The following CLDN10 variants were observed in gnomAD, a reference collection of about 807,000 sequenced individuals.
CLDN10 encodes the protein claudin 10.
A neutral mutation model predicts 22.9 loss-of-function variants in CLDN10; 15 were observed. The ratio of observed to expected loss-of-function variants is 0.65; its 90% CI spans 0.44 to 1.01. The LOEUF (loss-of-function observed/expected upper bound fraction) is 1.01. Ranked by LOEUF, CLDN10 falls within the 50% of genes least tolerant of loss-of-function variation. The probability of loss-of-function intolerance (pLI) is 0.00; values close to 1 mark genes in which losing one functional copy is unlikely to be tolerated. For missense variants in CLDN10, 247 were observed against 287.8 expected, an observed-to-expected ratio of 0.86 and a Z score of 1.03; for synonymous variants, 114 against 111.4, an observed-to-expected ratio of 1.02 and a Z score of -0.15.
intron 1 of CLDN10, among the ~76,000 whole-genome samples, chr13:95,467,039 T>G (rs71433024): frequency 0.059 from 2,263 of 38,270 alleles, 49 homozygotes; most frequent in African/African-American, 0.17. Flanking sequence ...ACCATGCCCG[T>G]TTTTTTTTTT....
At chr13:95,465,785 C>T (rs143870451) in intron 1 of CLDN10, among the ~76,000 whole-genome samples, 202 of 152,266 alleles carry the variant, frequency 1.3e-3, no homozygotes, top group African/African-American at 4.6e-3. Flanking sequence ...CATTCACCTT[C>T]GATACTCAGA....
intron 1 of CLDN10, among the ~76,000 whole-genome samples, chr13:95,440,060 C>T (rs902182301): frequency 6.6e-6 from 1 of 151,926 alleles, no homozygotes; most frequent in Non-Finnish European, 1.5e-5. Flanking sequence ...ACTACAGGCT[C>T]GCGCCACCAT....
At chr13:95,507,287 C>A (rs759586452) in intron 1 of CLDN10, among the ~76,000 whole-genome samples, 1 of 152,104 alleles carries the variant, frequency 6.6e-6, no homozygotes, top group Non-Finnish European at 1.5e-5. Context: ...TCTGATGTCT[C>A]CTTCTACATC....
upstream of CLDN10, among the ~76,000 whole-genome samples, chr13:95,549,472 T>G (rs1247125554): frequency 2.6e-5 from 4 of 152,344 alleles, no homozygotes; most frequent in African/African-American, 9.6e-5. Context: ...CATTTTTATT[T>G]TCTGGACATT....
intron 1 of CLDN10, among the ~76,000 whole-genome samples, chr13:95,516,760 A>C (rs1466544728): frequency 9.9e-5 from 15 of 152,152 alleles, no homozygotes; most frequent in Non-Finnish European, 2.1e-4. Flanking sequence ...ACAGAAGGGC[A>C]CGGAGGGGAA....
chr13:95,527,085 G>C (rs1251724487), intron 1 of CLDN10, among the ~76,000 whole-genome samples: 1 of 152,112 alleles, frequency 6.6e-6, no homozygotes, highest in Non-Finnish European at 1.5e-5. Flanking sequence ...TCCTGTTTTA[G>C]ACCCATTTTT....
At chr13:95,512,141 T>TTTG (rs1234938515) in intron 1 of CLDN10, among the ~76,000 whole-genome samples, 3 of 124,164 alleles carry the variant, frequency 2.4e-5, no homozygotes, top group East Asian at 2.4e-4. Flanking sequence ...GGTTTTTGTT[T>TTTG]GTTTGTGTTC....
intron 1 of CLDN10, among the ~76,000 whole-genome samples, chr13:95,470,832 T>G (rs7335697): frequency 0.012 from 1,760 of 152,064 alleles, 25 homozygotes; most frequent in African/African-American, 0.04. Context: ...AGCCCAACGG[T>G]GAAAGAGAAG....
chr13:95,531,430 G>A (rs1395429096), intron 1 of CLDN10, among the ~76,000 whole-genome samples: 1 of 152,108 alleles, frequency 6.6e-6, no homozygotes, highest in Admixed American at 6.5e-5. Context: ...TTTTCTAGTA[G>A]GCGGTCAAAA....
intron 3 of CLDN10, 133 bp downstream of exon 3, chr13:95,560,596 A>T: frequency 1.5e-6 from 1 of 687,470 alleles, no homozygotes; most frequent in Non-Finnish European, 2.4e-6. Flanking sequence ...TGATGACATC[A>T]TTCAAGATTA....
intron 3 of CLDN10, among the ~76,000 whole-genome samples, chr13:95,566,658 G>A (rs1361337052): frequency 1.3e-5 from 2 of 152,138 alleles, no homozygotes; most frequent in South Asian, 2.1e-4. Context: ...GGCTTTTGTT[G>A]CCATTGCTTT....
intron 1 of CLDN10, among the ~76,000 whole-genome samples, chr13:95,501,513 A>G (rs2042985030): frequency 6.6e-6 from 1 of 152,126 alleles, no homozygotes; most frequent in Non-Finnish European, 1.5e-5. Context: ...CCTTTTTATC[A>G]TTATGAAATG....
chr13:95,471,440 C>CACACACACACAT (rs746573300), intron 1 of CLDN10, among the ~76,000 whole-genome samples: 3 of 104,382 alleles, frequency 2.9e-5, no homozygotes, highest in Admixed American at 1.0e-4. Flanking sequence ...CACACACACA[C>CACACACACACAT]ATATATATAT....
chr13:95,522,570 T>C (rs2043234290), intron 1 of CLDN10, among the ~76,000 whole-genome samples: 1 of 152,102 alleles, frequency 6.6e-6, no homozygotes, highest in Non-Finnish European at 1.5e-5. Context: ...TCTTGGGTGA[T>C]GTATAGCCAT....
chr13:95,452,867 C>T (rs985900910), intron 1 of CLDN10, among the ~76,000 whole-genome samples: 1 of 152,086 alleles, frequency 6.6e-6, no homozygotes, highest in Non-Finnish European at 1.5e-5. Context: ...TAAATTATTT[C>T]CTATCTGAAT....
intron 1 of CLDN10, among the ~76,000 whole-genome samples, chr13:95,483,365 TC>T (rs953472455): frequency 1.6e-4 from 24 of 152,038 alleles, no homozygotes; most frequent in African/African-American, 5.8e-4. Flanking sequence ...TAATTTTTTT[TC>T]TTTCTTTTTT....
intron 1 of CLDN10, among the ~76,000 whole-genome samples, chr13:95,513,341 A>G (rs1055237479): frequency 6.6e-6 from 1 of 152,238 alleles, no homozygotes; most frequent in Non-Finnish European, 1.5e-5. Context: ...AAGAAATTTT[A>G]TAGTTTACAT....
intron 1 of CLDN10, among the ~76,000 whole-genome samples, chr13:95,520,477 A>C (rs958775510): frequency 6.6e-6 from 1 of 152,066 alleles, no homozygotes; most frequent in Non-Finnish European, 1.5e-5. Flanking sequence ...GGGTTCAAGC[A>C]ATCCTCCTGC....
intron 1 of CLDN10, among the ~76,000 whole-genome samples, chr13:95,472,878 C>T (rs371869706): frequency 6.6e-6 from 1 of 151,912 alleles, no homozygotes; most frequent in Non-Finnish European, 1.5e-5. Flanking sequence ...CAGTGGCTCA[C>T]ACCTGTAATC....
Sources: allele counts gnomAD v4.1 joint callset (sites outside exome capture counted in the v4.1 genomes callset), GRCh38; gene constraint gnomAD v4.1.1; transcripts MANE v1.5; gene names NCBI Gene and HGNC (gene_info 2026-07-23, HGNC 2026-07-21).